Variants in PIR observed in about 807,000 individuals in gnomAD.
The protein encoded by PIR is pirin, also known as pirin (iron-binding nuclear protein).
PIR carries 22 observed loss-of-function variants against 24.2 expected under a neutral mutation model. The ratio of observed to expected loss-of-function variants is 0.91; its 90% CI spans 0.65 to 1.30. PIR has a LOEUF of 1.30. Among genes scored for constraint, PIR ranks in the 50% most tolerant of loss-of-function variants. PIR has a pLI of 0.00. For missense variants in PIR, 220 were observed against 220.3 expected, an observed-to-expected ratio of 1.00 and a Z score of 0.01; for synonymous variants, 80 against 79.6, an observed-to-expected ratio of 1.00 and a Z score of -0.03.
At chrX:15,452,477 T>C (rs1920976047) in intron 5 of PIR, among the ~76,000 whole-genome samples, 1 of 111,545 alleles carries the variant, frequency 9.0e-6, no homozygotes. Flanking sequence ...CAGCTACCCT[T>C]GGTAGTATCA....
At chrX:15,488,085 C>A (rs1466998577) in intron 2 of PIR, among the ~76,000 whole-genome samples, 1 of 109,217 alleles carries the variant, frequency 9.2e-6, no homozygotes, top group African/African-American at 3.3e-5. Context: ...TTGAGACCAG[C>A]CTGACCAACA....
At chrX:15,481,688 G>A (rs908523909) in intron 2 of PIR, among the ~76,000 whole-genome samples, 2 of 111,688 alleles carry the variant, frequency 1.8e-5, no homozygotes, top group Non-Finnish European at 3.8e-5. Context: ...TTAGACATGC[G>A]CTAGGCAATT....
chrX:15,385,086 A>C lies in PIR; in HGVS notation c.791T>G (p.Ile264Ser), dbSNP rs761242213. ...GPFVMNTNEE[I>S]SQAILDFRNA... Reference sequence around the variant, plus strand: ...TCTGAAATCAAGAATAGCTTGAGAAATCTCTTCATTGGTGTTCATCACAAA... The same window carrying C: ...TCTGAAATCAAGAATAGCTTGAGAACTCTCTTCATTGGTGTTCATCACAAA... Residue 264 changes from isoleucine (I) to serine (S), a missense_variant, in exon 10 of 10, where the codon ATT (isoleucine) becomes AGT (serine). Ile to Ser is a moderately radical substitution (Grantham distance 142). Coordinates refer to ENST00000380420, the MANE Select transcript of PIR (RefSeq NM_001018109.3). 3.0e-5 allele frequency: 35 copies of C among 1,182,280 alleles called. No individual in the cohort carries two copies. The South Asian group carries it at 5.9e-4, about 20-fold the overall frequency.
intron 2 of PIR, among the ~76,000 whole-genome samples, chrX:15,484,306 C>CTTT (rs1193474348): frequency 0.14 from 9,126 of 67,078 alleles, 1,433 homozygotes; most frequent in East Asian, 0.29. Context: ...TCTCAATTTT[C>CTTT]TTTTTTTTTT....
At position 15,433,955 on chromosome X, in the gene PIR, A is replaced by G. The variant is rs191755718; in HGVS notation, c.481-7965T>C. ...GGAGGAAGAAGGAGGAGGAGGAAGG[A>G]GAAAGAAGGAGGAGGAGGAAGGAGA... is the stretch of plus-strand genomic sequence containing the variant. On this transcript the variant is annotated intron_variant, in intron 5 of 9. Coordinates refer to ENST00000380420, the MANE Select transcript of PIR (RefSeq NM_001018109.3). 9.3e-4 allele frequency among the ~76,000 whole-genome samples: 59 copies of G among 63,233 alleles called. 5 individuals are homozygous for G. Among genetic ancestry groups the G allele is most frequent in the African/African-American group, 4.1e-3 (55 of 13,428 alleles). 54.9% of individuals were successfully genotyped at this position (63,233 alleles called of 115,157 possible). A position where few individuals can be genotyped will look rare whatever the true frequency, so the allele number is the denominator to read the frequency against.
chrX:15,439,986 C>A (rs995500899), intron 5 of PIR, among the ~76,000 whole-genome samples: 1 of 107,539 alleles, frequency 9.3e-6, no homozygotes. Flanking sequence ...ACACAAATTT[C>A]TCTCTCTCTC....
At chrX:15,396,839 C>A (rs1322919942) in intron 8 of PIR, among the ~76,000 whole-genome samples, 1 of 110,020 alleles carries the variant, frequency 9.1e-6, no homozygotes, top group Non-Finnish European at 1.9e-5. Flanking sequence ...CTCCCGGGTT[C>A]ACGCCATTCT....
chrX:15,410,773 G>A (rs1326275228), intron 6 of PIR, among the ~76,000 whole-genome samples: 1 of 112,204 alleles, frequency 8.9e-6, no homozygotes. Flanking sequence ...TCATGTTGCT[G>A]ATTGGAAAGC....
At chrX:15,452,776 C>T (rs1034509700) in intron 5 of PIR, among the ~76,000 whole-genome samples, 1 of 111,930 alleles carries the variant, frequency 8.9e-6, no homozygotes, top group Admixed American at 9.5e-5. Flanking sequence ...ACTCTTAGAC[C>T]CCATCTCAGA....
chrX:15,476,317 T>C (rs1264069450), intron 3 of PIR, among the ~76,000 whole-genome samples: 1 of 112,303 alleles, frequency 8.9e-6, no homozygotes, highest in East Asian at 2.8e-4. Context: ...TTAGTAAAAT[T>C]TCATTTTTAT....
intron 6 of PIR, among the ~76,000 whole-genome samples, chrX:15,423,334 G>C (rs1925198817): frequency 8.9e-6 from 1 of 112,386 alleles, no homozygotes; most frequent in African/African-American, 3.2e-5. Flanking sequence ...AATAACATGA[G>C]GCTGGGTGCG....
chrX:15,398,190 T>C (rs946423670), intron 7 of PIR, among the ~76,000 whole-genome samples: 2 of 111,268 alleles, frequency 1.8e-5, no homozygotes, highest in African/African-American at 6.5e-5. Flanking sequence ...GGCACGTGTA[T>C]ACCTATGTAA....
intron 6 of PIR, among the ~76,000 whole-genome samples, chrX:15,421,665 A>G (rs1925136978): frequency 9.1e-6 from 1 of 110,037 alleles, no homozygotes; most frequent in Admixed American, 9.7e-5. Context: ...CCATAAAAAA[A>G]AAAAAAGCCC....
At chrX:15,434,234 A>G (rs1169065825) in intron 5 of PIR, among the ~76,000 whole-genome samples, 2 of 104,061 alleles carry the variant, frequency 1.9e-5, no homozygotes, top group African/African-American at 7.0e-5. Context: ...AGGAGATAGA[A>G]GAAGGAGGAG....
chrX:15,472,895 C>G lies in PIR; in HGVS notation c.189+6834G>C, dbSNP rs367691363. Among the ~76,000 whole-genome samples the G allele has an allele frequency of 1.5e-4, 17 of 112,217 alleles. No homozygotes were observed. In the East Asian group the frequency reaches 4.4e-3, roughly 29 times the overall value. ...TTTTGTAATTTTATTTTATTTGCATCAGGATAGTCTGTAGAAATAATCATT... is the reference window on the plus strand; with the variant it reads ...TTTTGTAATTTTATTTTATTTGCATGAGGATAGTCTGTAGAAATAATCATT... On this transcript the variant is annotated intron_variant, in intron 3 of 9. Coordinates refer to ENST00000380420, the MANE Select transcript of PIR (RefSeq NM_001018109.3).
chrX:15,481,598 C>A (rs1224085238), intron 2 of PIR, among the ~76,000 whole-genome samples: 2 of 111,698 alleles, frequency 1.8e-5, no homozygotes, highest in Non-Finnish European at 3.8e-5. Context: ...AATTATTTTT[C>A]TAGCTAACTT....
At chrX:15,421,745 A>T (rs939197541) in intron 6 of PIR, among the ~76,000 whole-genome samples, 1 of 110,554 alleles carries the variant, frequency 9.0e-6, no homozygotes, top group Non-Finnish European at 1.9e-5. Context: ...TCCTACTGAA[A>T]CTCTTCAAAG....
chrX:15,475,610 G>C (rs1267809560), intron 3 of PIR, among the ~76,000 whole-genome samples: 1 of 111,818 alleles, frequency 8.9e-6, no homozygotes, highest in East Asian at 2.8e-4. Context: ...TAGGTGAGAG[G>C]TTCATCAACG....
chrX:15,481,942 A>G (rs185057747), intron 2 of PIR, among the ~76,000 whole-genome samples: 13 of 111,650 alleles, frequency 1.2e-4, no homozygotes, highest in African/African-American at 4.2e-4. Context: ...AACAGCGGCC[A>G]CTATGGAGGG....
Sources: allele counts gnomAD v4.1 joint callset (sites outside exome capture counted in the v4.1 genomes callset), GRCh38; gene constraint gnomAD v4.1.1; transcripts MANE v1.5; gene names NCBI Gene and HGNC (gene_info 2026-07-23, HGNC 2026-07-21).